The following PSD3 variants were observed in gnomAD, a reference collection of about 807,000 sequenced individuals.
PSD3 encodes the protein PH and SEC7 domain-containing protein 3.
A neutral mutation model predicts 105.5 loss-of-function variants in PSD3; 49 were observed. The observed-to-expected ratio is 0.46, with a 90% CI of 0.37 to 0.59. The LOEUF (loss-of-function observed/expected upper bound fraction) is 0.59. Ranked by LOEUF, PSD3 falls within the 20% of genes least tolerant of loss-of-function variation. PSD3 has a pLI of 0.00. For synonymous variants in PSD3, 557 were observed against 457.8 expected (o/e 1.22, Z -2.77); for missense variants, 1,561 against 1,263.8 (o/e 1.24, Z -3.57).
chr8:18,596,975 G>A (rs1302410918), intron 12 of PSD3, among the ~76,000 whole-genome samples: 1 of 152,108 alleles, frequency 6.6e-6, no homozygotes, highest in Non-Finnish European at 1.5e-5. Flanking sequence ...ATTTTATGAG[G>A]CCAGCATGAC....
intron 4 of PSD3, chr8:18,808,703 T>C: frequency 6.2e-7 from 1 of 1,611,882 alleles, no homozygotes; most frequent in Non-Finnish European, 8.5e-7. Flanking sequence ...AGAACCGGAA[T>C]TGCTCCTTTT....
chr8:18,647,603 CTGTTT>C (rs1160283973), intron 10 of PSD3, among the ~76,000 whole-genome samples: 4 of 133,044 alleles, frequency 3.0e-5, no homozygotes, highest in Non-Finnish European at 6.3e-5. Flanking sequence ...TTATTTAAAA[CTGTTT>C]TTTTTTTTTT....
At chr8:18,839,787 C>T (rs1814456188) in intron 4 of PSD3, among the ~76,000 whole-genome samples, 1 of 152,190 alleles carries the variant, frequency 6.6e-6, no homozygotes, top group South Asian at 2.1e-4. Flanking sequence ...TTGGGCTTGG[C>T]TATAACTCTC....
chr8:18,760,252 T>C (rs1428024112), intron 9 of PSD3, among the ~76,000 whole-genome samples: 1 of 152,214 alleles, frequency 6.6e-6, no homozygotes, highest in Non-Finnish European at 1.5e-5. Flanking sequence ...CCTCACATAC[T>C]GTTTTGTGAT....
At chr8:19,020,056 CCTT>C (rs1827313768) in intron 1 of PSD3, among the ~76,000 whole-genome samples, 2 of 152,104 alleles carry the variant, frequency 1.3e-5, no homozygotes, top group Non-Finnish European at 2.9e-5. Context: ...TTTTTATTAT[CCTT>C]CTTATGGGTA....
intron 1 of PSD3, among the ~76,000 whole-genome samples, chr8:18,944,471 TGAGC>T: frequency 6.6e-6 from 1 of 152,182 alleles, no homozygotes; most frequent in Non-Finnish European, 1.5e-5. Flanking sequence ...CTTGGGAGGC[TGAGC>T]GAGGAGAATC....
At chr8:18,988,516 G>T (rs1187300535) in intron 1 of PSD3, among the ~76,000 whole-genome samples, 1 of 152,168 alleles carries the variant, frequency 6.6e-6, no homozygotes, top group East Asian at 1.9e-4. Context: ...CAGCACTTAG[G>T]AAATGGTTTT....
intron 12 of PSD3, among the ~76,000 whole-genome samples, chr8:18,592,452 T>C (rs1437891256): frequency 6.6e-6 from 1 of 152,064 alleles, no homozygotes; most frequent in Non-Finnish European, 1.5e-5. Flanking sequence ...ACAAAGCTTA[T>C]TTACCGAACA....
At chr8:18,734,366 G>C (rs543754994) in intron 9 of PSD3, 5 of 152,138 alleles carry the variant, frequency 3.3e-5, no homozygotes, top group Non-Finnish European at 7.4e-5. Context: ...AACTGTGTAT[G>C]ATTCTGATCT....
At chr8:19,061,819 A>T (rs1000792951) in intron 1 of PSD3, among the ~76,000 whole-genome samples, 2 of 150,498 alleles carry the variant, frequency 1.3e-5, no homozygotes, top group Admixed American at 6.6e-5. Context: ...AAAAAAAAAA[A>T]TCACTTCCCA....
chr8:18,773,467 T>C (rs572003263), intron 8 of PSD3, among the ~76,000 whole-genome samples: 6 of 152,294 alleles, frequency 3.9e-5, no homozygotes, highest in African/African-American at 1.2e-4. Context: ...TTGGGGTACC[T>C]TGAACTCTCA....
At chr8:18,666,572 G>C (rs1311649520) in intron 9 of PSD3, among the ~76,000 whole-genome samples, 1 of 152,126 alleles carries the variant, frequency 6.6e-6, no homozygotes, top group Admixed American at 6.5e-5. Flanking sequence ...CAAACTAAGA[G>C]TTACAACTCA....
chr8:18,759,803 A>ATTTCTCAGTT (rs1585868104), intron 9 of PSD3, among the ~76,000 whole-genome samples: 1 of 152,082 alleles, frequency 6.6e-6, no homozygotes, highest in East Asian at 1.9e-4. Context: ...CTTGTCATTT[A>ATTTCTCAGTT]TTTCTCAGTT....
chr8:18,577,570 C>T (rs974653951), intron 12 of PSD3, among the ~76,000 whole-genome samples: 2 of 151,806 alleles, frequency 1.3e-5, no homozygotes, highest in Admixed American at 6.6e-5. Flanking sequence ...TAACTATCAT[C>T]TTCCTTATAA....
intron 9 of PSD3, among the ~76,000 whole-genome samples, chr8:18,711,328 A>G (rs984069375): frequency 6.6e-6 from 1 of 152,212 alleles, no homozygotes; most frequent in Non-Finnish European, 1.5e-5. Context: ...GCCTCAATTA[A>G]AAGACACAGA....
At chr8:18,558,812 C>T (rs896457680) in intron 14 of PSD3, among the ~76,000 whole-genome samples, 1 of 152,084 alleles carries the variant, frequency 6.6e-6, no homozygotes, top group African/African-American at 2.4e-5. Flanking sequence ...CAGAGCAAGA[C>T]TCCATCTCAA....
chr8:18,906,025 T>C (rs1236433293), intron 2 of PSD3, among the ~76,000 whole-genome samples: 1 of 152,240 alleles, frequency 6.6e-6, no homozygotes, highest in African/African-American at 2.4e-5. Flanking sequence ...GATTATTTTA[T>C]AGTAAACATC....
intron 1 of PSD3, among the ~76,000 whole-genome samples, chr8:19,074,521 T>G (rs1014481547): frequency 6.6e-6 from 1 of 150,966 alleles, no homozygotes; most frequent in East Asian, 1.9e-4. Context: ...TTTCCAAACA[T>G]GTAGTCTACT....
At chr8:19,024,797 A>G (rs1008195126) in intron 1 of PSD3, among the ~76,000 whole-genome samples, 1 of 152,108 alleles carries the variant, frequency 6.6e-6, no homozygotes, top group African/African-American at 2.4e-5. Flanking sequence ...AGGTGCTGGG[A>G]GAGTGGTGTG....
Sources: gnomAD v4.1 joint callset for allele counts (sites outside exome capture counted in the v4.1 genomes callset) on GRCh38, gnomAD v4.1.1 for gene constraint, MANE v1.5 for transcripts, NCBI Gene and HGNC (gene_info 2026-07-23, HGNC 2026-07-21) for gene names.